Variants in XPOT observed in about 807,000 individuals in gnomAD.
XPOT encodes the protein exportin-T.
A neutral mutation model predicts 128.2 loss-of-function variants in XPOT; 34 were observed. The observed-to-expected ratio is 0.27, with a 90% CI of 0.20 to 0.35. The LOEUF (loss-of-function observed/expected upper bound fraction) is 0.35. Ranked by LOEUF, XPOT falls within the 10% of genes least tolerant of loss-of-function variation. The pLI, the probability that XPOT is intolerant of heterozygous loss-of-function variation, is 1.00. For missense variants in XPOT, 838 were observed against 1,125.3 expected (o/e 0.74, Z 3.65); for synonymous variants, 348 against 394.3 (o/e 0.88, Z 1.39).
chr12:64,431,441 T>C (rs1279335012), intron 17 of XPOT, 97 bp from the exon 18 acceptor site: 4 of 1,260,438 alleles, frequency 3.2e-6, no homozygotes, highest in Middle Eastern at 2.1e-4. Flanking sequence ...TATTTAGTTT[T>C]GTTAATTTTG....
intron 23 of XPOT, among the ~76,000 whole-genome samples, chr12:64,440,830 T>C (rs2040318924): frequency 6.6e-6 from 1 of 152,202 alleles, no homozygotes; most frequent in Admixed American, 6.5e-5. Context: ...AGAGGAGTTT[T>C]TTTATATGTT....
intron 1 of XPOT, among the ~76,000 whole-genome samples, chr12:64,406,080 T>G (rs2039978713): frequency 6.6e-6 from 1 of 151,972 alleles, no homozygotes; most frequent in African/African-American, 2.4e-5. Flanking sequence ...GCTTAAGCAC[T>G]TTTTCTTTTT....
At chr12:64,440,618 A>G (rs1251562624) in intron 23 of XPOT, among the ~76,000 whole-genome samples, 2 of 152,174 alleles carry the variant, frequency 1.3e-5, no homozygotes, top group Non-Finnish European at 2.9e-5. Context: ...AATGTCACCA[A>G]CACTTGCTGT....
At chr12:64,412,031 CT>C (rs1394577489) in intron 2 of XPOT, among the ~76,000 whole-genome samples, 47 of 110,428 alleles carry the variant, frequency 4.3e-4, no homozygotes, top group Admixed American at 6.1e-4. Flanking sequence ...GCCCCCCGCC[CT>C]TTTTTTTTTG....
intron 23 of XPOT, among the ~76,000 whole-genome samples, chr12:64,441,184 G>T (rs1354185132): frequency 6.6e-6 from 1 of 152,134 alleles, no homozygotes; most frequent in Non-Finnish European, 1.5e-5. Flanking sequence ...AGAGATTATT[G>T]TTCCCCATTG....
In XPOT at chr12:64,433,460, A is replaced by T. The variant is rs769861440; in HGVS notation, c.2309A>T (p.His770Leu). 39 of 1,601,364 alleles carry T rather than the reference A, an allele frequency of 2.4e-5. No homozygotes were observed. The highest frequency in any genetic ancestry group is 3.3e-5 in the Non-Finnish European group (39 of 1,171,822). Reference protein sequence around the residue: ...FLQQMFMPLLHAIFEVLLRPA... With the variant: ...FLQQMFMPLLLAIFEVLLRPA... ...CAACAGATGTTCATGCCCCTGCTTC[A>T]TGCAATTTTTGAAGTGCTGCTCCGG... Residue 770 changes from histidine to leucine, a missense_variant, in exon 19 of 25, where the codon CAT becomes CTT. His to Leu is a moderately conservative substitution (Grantham distance 99). Transcript: ENST00000332707.
At chr12:64,430,351 G>C in intron 17 of XPOT, 64 bp downstream of exon 17, 1 of 1,271,316 alleles carries the variant, frequency 7.9e-7, no homozygotes, top group Non-Finnish European at 1.1e-6. Context: ...CCACTTGTTT[G>C]GTGGGCACAC....
chr12:64,435,733 T>G, intron 22 of XPOT, 59 bp downstream of exon 22: 1 of 1,496,710 alleles, frequency 6.7e-7, no homozygotes, highest in South Asian at 1.3e-5. Flanking sequence ...TATTATCTTG[T>G]TCTTGAAAGA....
intron 2 of XPOT, among the ~76,000 whole-genome samples, chr12:64,413,135 T>G (rs898679967): frequency 6.6e-6 from 1 of 152,236 alleles, no homozygotes; most frequent in Non-Finnish European, 1.5e-5. Flanking sequence ...AGCTGTATCC[T>G]GAGGCTGTCT....
intron 2 of XPOT, among the ~76,000 whole-genome samples, chr12:64,413,384 G>C (rs111428951): frequency 3.3e-5 from 5 of 152,298 alleles, no homozygotes; most frequent in African/African-American, 9.6e-5. Context: ...ACCCCCCAGA[G>C]TGTTGGGATT....
intron 16 of XPOT, among the ~76,000 whole-genome samples, chr12:64,428,560 G>C (rs1173275493): frequency 6.6e-6 from 1 of 151,394 alleles, no homozygotes; most frequent in African/African-American, 2.4e-5. Context: ...CAGGCTTAGG[G>C]TAAAAAAAAA....
At chr12:64,411,592 G>T (rs1237632171) in intron 2 of XPOT, among the ~76,000 whole-genome samples, 1 of 152,138 alleles carries the variant, frequency 6.6e-6, no homozygotes. Context: ...AAGCATCCAG[G>T]TCCAGGCATA....
At chr12:64,431,420 A>G in intron 17 of XPOT, 118 bp from the exon 18 acceptor site, 1 of 985,894 alleles carries the variant, frequency 1.0e-6, no homozygotes, top group Non-Finnish European at 1.5e-6. Flanking sequence ...TGTGGAAAAT[A>G]AAGGTCTGGT....
In XPOT at chr12:64,414,895, G is replaced by A. The variant is rs368006228; in HGVS notation, c.61-12G>A. ...TATTCTAAATGCATTTTTTTGTTTT[G>A]CAATCTTATAGGCCCTGGCCTATTT... is the stretch of plus-strand genomic sequence containing the variant. On this transcript the variant is annotated splice_polypyrimidine_tract_variant and intron_variant, in intron 2 of 24. Coordinates refer to ENST00000332707, the MANE Select transcript of XPOT (RefSeq NM_007235.6). The A allele has an allele frequency of 6.2e-5, 98 of 1,589,070 alleles. No individual in the cohort carries two copies. The highest frequency in any genetic ancestry group is 8.2e-5 in the Non-Finnish European group (95 of 1,160,964).
At chr12:64,433,390 G>C (rs2040255189) in intron 18 of XPOT, 24 bp from the exon 19 acceptor site, 1 of 1,503,322 alleles carries the variant, frequency 6.7e-7, no homozygotes, top group African/African-American at 1.4e-5. Context: ...ACTAATTTCT[G>C]AAGTAATGAT....
chr12:64,421,904 C>G (rs955097668), intron 9 of XPOT, among the ~76,000 whole-genome samples: 6 of 152,116 alleles, frequency 3.9e-5, no homozygotes, highest in African/African-American at 1.4e-4. Context: ...CCTCCACCTC[C>G]CAGGTTCAAG....
At chr12:64,435,401 G>A (rs1052849721) in intron 21 of XPOT, among the ~76,000 whole-genome samples, 5 of 152,104 alleles carry the variant, frequency 3.3e-5, no homozygotes, top group South Asian at 2.1e-4. Flanking sequence ...AATTTACTAC[G>A]TTAAAACAAC....
rs556302004 is a variant in XPOT, at chr12:64,434,393, T to C, written c.2453-114T>C. 42 of 684,540 alleles carry C rather than the reference T, an allele frequency of 6.1e-5. No individual in the cohort carries two copies. In the Admixed American group the frequency reaches 1.1e-3, roughly 17 times the overall value. The allele number at this position is 684,540 out of a possible 1,614,324, so 42.4% of individuals were successfully genotyped here. The stretch of plus-strand genomic sequence containing the variant: ...AAATGCTTTTTTCCCCCTTCATTTT[T>C]CCCATTCCACCTGTAAATGATTTTT... On this transcript the variant is annotated intron_variant, in intron 19 of 24. Coordinates refer to ENST00000332707, the MANE Select transcript of XPOT (RefSeq NM_007235.6).
At chr12:64,418,754 T>C (rs914191144) in intron 5 of XPOT, 122 bp from the exon 6 acceptor site, 65 of 737,344 alleles carry the variant, frequency 8.8e-5, no homozygotes, top group Non-Finnish European at 1.4e-4. Flanking sequence ...AGAGTATTTG[T>C]TGCATAGTTT....
Sources: gnomAD v4.1 joint callset for allele counts (sites outside exome capture counted in the v4.1 genomes callset) on GRCh38, gnomAD v4.1.1 for gene constraint, MANE v1.5 for transcripts, NCBI Gene and HGNC (gene_info 2026-07-23, HGNC 2026-07-21) for gene names.